LZTFL1: variants seen among roughly 807,000 people sequenced by gnomAD.
LZTFL1 encodes the protein leucine zipper transcription factor like 1.
Under a neutral mutation model 45.9 loss-of-function variants are expected in LZTFL1, and 25 were observed. The ratio of observed to expected loss-of-function variants is 0.54; its 90% CI spans 0.40 to 0.76. LZTFL1 has a LOEUF of 0.76. Ranked by LOEUF, LZTFL1 falls within the 30% of genes least tolerant of loss-of-function variation. The pLI is 0.00. For missense variants in LZTFL1, 277 were observed against 331.1 expected (o/e 0.84, Z 1.27); for synonymous variants, 93 against 117.4 (o/e 0.79, Z 1.35).
chr3:45,866,079 C>A (rs1701573842), intron 2 of LZTFL1, among the ~76,000 whole-genome samples: 2 of 152,070 alleles, frequency 1.3e-5, no homozygotes, highest in African/African-American at 4.8e-5. Context: ...TCTAGAAATG[C>A]AAACCAAACT....
intron 2 of LZTFL1, among the ~76,000 whole-genome samples, chr3:45,912,436 C>T (rs1394580651): frequency 6.6e-6 from 1 of 152,186 alleles, no homozygotes; most frequent in Admixed American, 6.5e-5. Flanking sequence ...CTGGGCTGGC[C>T]TGTGACTTGC....
chr3:45,854,651 C>T (rs1701361041), intron 4 of LZTFL1: 1 of 174,172 alleles, frequency 5.7e-6, no homozygotes, highest in African/African-American at 2.4e-5. Flanking sequence ...CAGGTATTCT[C>T]CAAGTGGGAT....
chr3:45,835,799 T>G lies in LZTFL1; in HGVS notation c.129-15A>C. On this transcript the variant is annotated splice_polypyrimidine_tract_variant and intron_variant, in intron 2 of 9. Coordinates refer to ENST00000296135, the MANE Select transcript of LZTFL1 (RefSeq NM_020347.4). ...CCTCCACCAGCCTGAAAAACAACCA[T>G]GATCCAAAACTTATAGAAAAACAAC... 1 of 1,576,928 alleles carries G rather than the reference T, an allele frequency of 6.3e-7. No homozygotes were observed. Among genetic ancestry groups the G allele is most frequent in the Non-Finnish European group, 8.6e-7 (1 of 1,156,678 alleles).
intron 3 of LZTFL1, chr3:45,834,967 G>GA (rs11385942): frequency 0.076 from 11,568 of 152,752 alleles, 593 homozygotes; most frequent in South Asian, 0.27. Context: ...CTCTGCATGT[G>GA]AACTGATGTG....
At chr3:45,881,731 C>T (rs1701864284) in intron 2 of LZTFL1, among the ~76,000 whole-genome samples, 1 of 152,168 alleles carries the variant, frequency 6.6e-6, no homozygotes, top group African/African-American at 2.4e-5. Flanking sequence ...CTAAAGCCTG[C>T]CCTGGCTTGA....
chr3:45,908,983 G>A (rs970338474), intron 2 of LZTFL1, among the ~76,000 whole-genome samples: 5 of 152,006 alleles, frequency 3.3e-5, no homozygotes, highest in South Asian at 2.1e-4. Context: ...CCTGAGCTTC[G>A]CCAACTGTCA....
intron 2 of LZTFL1, among the ~76,000 whole-genome samples, chr3:45,863,874 G>A (rs1456337132): frequency 1.3e-5 from 2 of 152,218 alleles, no homozygotes; most frequent in East Asian, 1.9e-4. Context: ...AAGAAGCTGG[G>A]AAGGACATTC....
Position 45,901,860 on chromosome 3 carries a change from A to G in LZTFL1, c.-215+11260T>C, listed in dbSNP as rs201277467. The stretch of plus-strand genomic sequence containing the variant: ...AGAGGGAAGCTTGAAGCTGTCGTCT[A>G]TGTTGCTGGAGACAACCTCAGGAGC... On this transcript the variant is annotated intron_variant, in intron 2 of 4. Coordinates refer to the LZTFL1 transcript ENST00000472635. The surrounding 1 kb of genome is among the most constrained non-coding windows in gnomAD (Gnocchi z 4.3). 2.5e-6 allele frequency: 4 copies of G among 1,609,538 alleles called. No homozygotes were observed. Among genetic ancestry groups the G allele is most frequent in the East Asian group, 2.2e-5 (1 of 44,736 alleles).
At position 45,901,315 on chromosome 3, in the gene LZTFL1, C is replaced by G; in HGVS notation, c.-215+11805G>C. On this transcript the variant is annotated intron_variant, in intron 2 of 4. Coordinates refer to the LZTFL1 transcript ENST00000472635. The surrounding 1 kb of genome is among the most constrained non-coding windows in gnomAD (Gnocchi z 4.3). ...GTTTGCTTTACCATCTGGGTATTGG[C>G]AGCTGCTCTCTGCATCCCAGAAATC... 3.1e-6 allele frequency: 5 copies of G among 1,614,170 alleles called. No homozygotes were observed. The highest frequency in any genetic ancestry group is 4.2e-6 in the Non-Finnish European group (5 of 1,180,034).
chr3:45,831,266 A>G (rs1158064854), intron 5 of LZTFL1, 128 bp from the exon 6 acceptor site: 2 of 573,734 alleles, frequency 3.5e-6, no homozygotes, highest in African/African-American at 3.8e-5. Context: ...TGTACTACTG[A>G]TATTTTGGTA....
Position 45,901,230 on chromosome 3 carries a change from A to AT in LZTFL1, c.-215+11889dup. 1 of 1,614,192 alleles carries AT rather than the reference A, an allele frequency of 6.2e-7. No individual in the cohort carries two copies. The highest frequency in any genetic ancestry group is 8.5e-7 in the Non-Finnish European group (1 of 1,180,018). Reference sequence around the variant, plus strand: ...CATCAGCGTGGACAGGTACATTGCCATTGCCCAGGCCATGAGAGCACATAC... The same window carrying AT: ...CATCAGCGTGGACAGGTACATTGCCATTTGCCCAGGCCATGAGAGCACATAC... On this transcript the variant is annotated intron_variant, in intron 2 of 4. Coordinates refer to the LZTFL1 transcript ENST00000472635. This position sits in a 1 kb window ranked among gnomAD's most constrained non-coding sequence, Gnocchi z 4.3.
intron 3 of LZTFL1, among the ~76,000 whole-genome samples, chr3:45,858,652 T>C (rs1220820351): frequency 6.6e-6 from 1 of 152,208 alleles, no homozygotes; most frequent in South Asian, 2.1e-4. Context: ...TAAGAAGCTA[T>C]AGACACAACT....
At chr3:45,907,366 CTG>C (rs1159964166) in intron 2 of LZTFL1, among the ~76,000 whole-genome samples, 4 of 152,246 alleles carry the variant, frequency 2.6e-5, no homozygotes, top group Non-Finnish European at 5.9e-5. Context: ...TGGACGAACA[CTG>C]TGCCTGCTCC....
chr3:45,841,315 C>T (rs191221973), intron 1 of LZTFL1, among the ~76,000 whole-genome samples: 14 of 152,346 alleles, frequency 9.2e-5, no homozygotes, highest in African/African-American at 3.1e-4. Context: ...GTGCTGTGCA[C>T]TGTTCTAAGT....
At chr3:45,913,747 T>C (rs1052614559) in intron 1 of LZTFL1, among the ~76,000 whole-genome samples, 4 of 152,156 alleles carry the variant, frequency 2.6e-5, no homozygotes, top group African/African-American at 7.2e-5. Flanking sequence ...AGACCTTTGA[T>C]TCTGTGTACC....
Position 45,901,308 on chromosome 3 carries a change from G to T in LZTFL1, c.-215+11812C>A. The T allele has an allele frequency of 6.2e-7, 1 of 1,614,176 alleles. No individual in the cohort carries two copies. The highest frequency in any genetic ancestry group is 8.5e-7 in the Non-Finnish European group (1 of 1,180,034). On this transcript the variant is annotated intron_variant, in intron 2 of 4. Transcript: ENST00000472635. The surrounding 1 kb of genome is among the most constrained non-coding windows in gnomAD (Gnocchi z 4.3). ...CAAAATGGTTTGCTTTACCATCTGG[G>T]TATTGGCAGCTGCTCTCTGCATCCC...
Position 45,897,003 on chromosome 3 carries a change from C to A in LZTFL1, c.-215+16117G>T, listed in dbSNP as rs17078401. Among the ~76,000 whole-genome samples the A allele has an allele frequency of 5.4e-3, 816 of 152,314 alleles. 3 individuals carry two copies. The highest frequency in any genetic ancestry group is 0.016 in the African/African-American group (657 of 41,570). On this transcript the variant is annotated intron_variant, in intron 2 of 4. Transcript: ENST00000472635. ...TTCTTCCTGCTCTGGGTGTTCACAACTGGGACGCCTGGGCTGCTGCTTCTG... is the reference window on the plus strand; with the variant it reads ...TTCTTCCTGCTCTGGGTGTTCACAAATGGGACGCCTGGGCTGCTGCTTCTG...
At chr3:45,869,342 A>G (rs1186145468) in intron 2 of LZTFL1, among the ~76,000 whole-genome samples, 1 of 152,196 alleles carries the variant, frequency 6.6e-6, no homozygotes, top group Non-Finnish European at 1.5e-5. Context: ...TTTATTTTTC[A>G]TTTCATGAAG....
intron 1 of LZTFL1, among the ~76,000 whole-genome samples, chr3:45,914,525 C>T (rs148965668): frequency 4.9e-4 from 74 of 152,156 alleles, no homozygotes; most frequent in African/African-American, 1.5e-3. Context: ...CCTCCTGCCT[C>T]GGCCACCCAA....
Sources: gnomAD v4.1 joint callset for allele counts (sites outside exome capture counted in the v4.1 genomes callset) on GRCh38, gnomAD v4.1.1 for gene constraint, Gnocchi (gnomAD v3.1) non-coding constraint, MANE v1.5 for transcripts, NCBI Gene and HGNC (gene_info 2026-07-23, HGNC 2026-07-21) for gene names.